Variants in UBE3D observed in about 807,000 individuals in gnomAD.
UBE3D encodes the protein ubiquitin protein ligase E3D.
A neutral mutation model predicts 49.6 loss-of-function variants in UBE3D; 48 were observed. That is an observed-to-expected ratio of 0.97 (90% confidence interval 0.77 to 1.23). The LOEUF is 1.23. Among genes scored for constraint, UBE3D ranks in the 50% most tolerant of loss-of-function variants. The probability of loss-of-function intolerance (pLI) is 0.00; values close to 1 mark genes in which losing one functional copy is unlikely to be tolerated. For missense variants in UBE3D, 452 were observed against 468.4 expected (o/e 0.96, Z 0.32); for synonymous variants, 189 against 174.2 (o/e 1.08, Z -0.67).
downstream of UBE3D, among the ~76,000 whole-genome samples, chr6:82,892,151 C>T (rs979889822): frequency 6.6e-6 from 1 of 152,196 alleles, no homozygotes; most frequent in African/African-American, 2.4e-5. Context: ...TCCTCCTGAT[C>T]CTGGAGTAGG....
At chr6:83,040,385 C>T (rs1191033043) in intron 4 of UBE3D, among the ~76,000 whole-genome samples, 1 of 61,218 alleles carries the variant, frequency 1.6e-5, no homozygotes, top group Non-Finnish European at 3.2e-5. Flanking sequence ...CTGACTCTCT[C>T]TCTCTCTCTC....
intron 8 of UBE3D, among the ~76,000 whole-genome samples, chr6:82,995,712 AAAAC>A (rs1779195207): frequency 6.6e-6 from 1 of 152,184 alleles, no homozygotes; most frequent in Admixed American, 6.5e-5. Context: ...TATGAGGAGA[AAAAC>A]AAACGCGTCA....
downstream of UBE3D, among the ~76,000 whole-genome samples, chr6:82,888,535 T>C (rs1770929605): frequency 6.6e-6 from 1 of 151,882 alleles, no homozygotes; most frequent in African/African-American, 2.4e-5. Context: ...ATAAAGAAAA[T>C]GTAGTCATCT....
At chr6:82,963,714 T>C (rs1776714458) in intron 8 of UBE3D, among the ~76,000 whole-genome samples, 1 of 152,160 alleles carries the variant, frequency 6.6e-6, no homozygotes, top group African/African-American at 2.4e-5. Flanking sequence ...TTCCCAGCCT[T>C]CTGACTCAAA....
At chr6:83,024,326 T>C (rs565736209) in intron 5 of UBE3D, among the ~76,000 whole-genome samples, 2 of 152,174 alleles carry the variant, frequency 1.3e-5, no homozygotes, top group South Asian at 4.1e-4. Context: ...ATAGTGCACT[T>C]AGATAGAAAT....
intron 1 of UBE3D, among the ~76,000 whole-genome samples, chr6:83,064,362 T>G: frequency 6.6e-6 from 1 of 152,132 alleles, no homozygotes; most frequent in African/African-American, 2.4e-5. Context: ...TAGCTGGGAC[T>G]GACTAAAGGT....
intron 9 of UBE3D, among the ~76,000 whole-genome samples, chr6:82,927,860 T>A (rs1773873658): frequency 6.6e-6 from 1 of 151,872 alleles, no homozygotes; most frequent in Non-Finnish European, 1.5e-5. Flanking sequence ...ACGGACAGTA[T>A]TAAGATCAGT....
intron 9 of UBE3D, among the ~76,000 whole-genome samples, chr6:82,911,894 G>A (rs1407676708): frequency 1.3e-5 from 2 of 152,136 alleles, no homozygotes; most frequent in Non-Finnish European, 2.9e-5. Context: ...CACTCTTCCT[G>A]TGCTAGCAGC....
At chr6:83,023,894 A>C in intron 6 of UBE3D, 75 bp downstream of exon 6, 1 of 1,032,920 alleles carries the variant, frequency 9.7e-7, no homozygotes, top group Non-Finnish European at 1.4e-6. Context: ...ATTCAAAACC[A>C]AAAAATAAAA....
the UBE3D span, among the ~76,000 whole-genome samples, chr6:82,886,774 T>C: frequency 2.6e-5 from 4 of 152,352 alleles, no homozygotes; most frequent in East Asian, 7.7e-4. Context: ...CAACAATAAA[T>C]GTCTCTTGCC....
chr6:83,058,878 GT>G (rs1783986544), intron 1 of UBE3D, among the ~76,000 whole-genome samples: 2 of 152,274 alleles, frequency 1.3e-5, no homozygotes, highest in South Asian at 4.1e-4. Context: ...AAGCATCTGA[GT>G]TTTTTGCAGG....
chr6:82,893,865 G>A (rs1021161520), intron 9 of UBE3D: 1 of 152,158 alleles, frequency 6.6e-6, no homozygotes, highest in African/African-American at 2.4e-5. Context: ...AGTAAAAAGA[G>A]GTGTGTATTT....
At chr6:83,053,371 C>A (rs1302850019) in intron 3 of UBE3D, among the ~76,000 whole-genome samples, 4 of 152,154 alleles carry the variant, frequency 2.6e-5, no homozygotes, top group African/African-American at 9.7e-5. Context: ...GCTCAGGAAA[C>A]CCATCTAATA....
intron 8 of UBE3D, among the ~76,000 whole-genome samples, chr6:82,960,819 C>G (rs1346660255): frequency 6.6e-6 from 1 of 151,976 alleles, no homozygotes; most frequent in Admixed American, 6.5e-5. Context: ...AAATAAATAC[C>G]TTTTCAATTT....
At chr6:82,907,540 C>A (rs961266513) in intron 9 of UBE3D, among the ~76,000 whole-genome samples, 1 of 151,936 alleles carries the variant, frequency 6.6e-6, no homozygotes, top group African/African-American at 2.4e-5. Context: ...CTCCTACAAT[C>A]AATGATAAAA....
At chr6:83,004,284 C>T (rs1034980591) in intron 8 of UBE3D, among the ~76,000 whole-genome samples, 1 of 152,210 alleles carries the variant, frequency 6.6e-6, no homozygotes, top group Non-Finnish European at 1.5e-5. Context: ...AATATACATT[C>T]ACAGTGGCCT....
chr6:83,015,095 T>G (rs1045644950), intron 8 of UBE3D, among the ~76,000 whole-genome samples: 2 of 152,176 alleles, frequency 1.3e-5, no homozygotes, highest in African/African-American at 4.8e-5. Context: ...CGGGATACAA[T>G]TATTCCAATT....
At chr6:83,044,323 C>T (rs1450146512) in intron 4 of UBE3D, 105 bp downstream of exon 4, 1 of 1,052,454 alleles carries the variant, frequency 9.5e-7, no homozygotes, top group Non-Finnish European at 1.4e-6. Flanking sequence ...TGAATTTTGG[C>T]CTTTACAGCA....
chr6:83,037,064 G>A (rs1782315336), intron 5 of UBE3D: 1 of 152,180 alleles, frequency 6.6e-6, no homozygotes, highest in Non-Finnish European at 1.5e-5. Flanking sequence ...ACAGAAGCAA[G>A]TTGAAAATGA....
Sources: allele counts gnomAD v4.1 joint callset (sites outside exome capture counted in the v4.1 genomes callset), GRCh38; gene constraint gnomAD v4.1.1; transcripts MANE v1.5; gene names NCBI Gene and HGNC (gene_info 2026-07-23, HGNC 2026-07-21).